TAFA2: variants seen among roughly 807,000 people sequenced by gnomAD.
TAFA2 encodes the protein chemokine-like protein TAFA-2.
A neutral mutation model predicts 18.8 loss-of-function variants in TAFA2; 7 were observed. The ratio of observed to expected loss-of-function variants is 0.37; its 90% CI spans 0.21 to 0.70. TAFA2 has a LOEUF of 0.70. Among genes scored for constraint, TAFA2 ranks in the 30% least tolerant of loss-of-function variants. The pLI is 0.53. For missense variants in TAFA2, 122 were observed against 158.1 expected, an observed-to-expected ratio of 0.77 and a Z score of 1.23; for synonymous variants, 60 against 54.2, an observed-to-expected ratio of 1.11 and a Z score of -0.47.
intron 1 of TAFA2, among the ~76,000 whole-genome samples, chr12:62,094,546 A>G (rs765843174): frequency 2.3e-4 from 35 of 152,114 alleles, no homozygotes; most frequent in Admixed American, 3.9e-4. Context: ...ACCTTTTAAA[A>G]TTTTAAATGG....
chr12:61,754,336 T>A (rs1869162828), intron 3 of TAFA2, among the ~76,000 whole-genome samples: 1 of 151,940 alleles, frequency 6.6e-6, no homozygotes, highest in Non-Finnish European at 1.5e-5. Context: ...ATCAACTAAA[T>A]AAATGCATAT....
intron 1 of TAFA2, among the ~76,000 whole-genome samples, chr12:62,184,499 A>AATTTTTTTTTT: frequency 2.9e-5 from 1 of 33,994 alleles, no homozygotes; most frequent in Admixed American, 2.8e-4. Flanking sequence ...GAAAAAAAAA[A>AATTTTTTTTTT]TTCTTTTTTT....
chr12:62,004,891 C>G (rs1213061479), intron 1 of TAFA2, among the ~76,000 whole-genome samples: 1 of 151,882 alleles, frequency 6.6e-6, no homozygotes, highest in Non-Finnish European at 1.5e-5. Flanking sequence ...ATGGATGAAC[C>G]TAGAGAACAT....
At chr12:61,762,204 C>T (rs1232183462) in intron 2 of TAFA2, among the ~76,000 whole-genome samples, 1 of 152,024 alleles carries the variant, frequency 6.6e-6, no homozygotes, top group African/African-American at 2.4e-5. Flanking sequence ...GAGAACAGAC[C>T]TTTCTATGCA....
chr12:61,823,745 A>G (rs948386102), intron 2 of TAFA2, among the ~76,000 whole-genome samples: 9 of 152,090 alleles, frequency 5.9e-5, no homozygotes, highest in Non-Finnish European at 1.0e-4. Context: ...TCTATATCCT[A>G]TCAGTGAGAA....
chr12:61,952,733 C>A (rs187974838), intron 1 of TAFA2, among the ~76,000 whole-genome samples: 320 of 152,000 alleles, frequency 2.1e-3, no homozygotes, highest in African/African-American at 7.4e-3. Context: ...AATTGCATAA[C>A]TAAAGCTATA....
At chr12:62,231,975 C>T (rs2062813486) in intron 1 of TAFA2, among the ~76,000 whole-genome samples, 2 of 152,166 alleles carry the variant, frequency 1.3e-5, no homozygotes, top group Non-Finnish European at 2.9e-5. Flanking sequence ...CCAAAGATTA[C>T]AGGCCTGATC....
chr12:62,251,501 G>A (rs1474889825), intron 1 of TAFA2, among the ~76,000 whole-genome samples: 2 of 152,146 alleles, frequency 1.3e-5, no homozygotes, highest in Non-Finnish European at 2.9e-5. Context: ...CACTGCCAGG[G>A]TAAAGACCAA....
At chr12:62,006,078 A>G (rs1430349173) in intron 1 of TAFA2, among the ~76,000 whole-genome samples, 1 of 152,146 alleles carries the variant, frequency 6.6e-6, no homozygotes, top group Non-Finnish European at 1.5e-5. Flanking sequence ...CAATTTATTA[A>G]AACTACTTCA....
At chr12:61,768,279 A>G (rs1869873931) in intron 2 of TAFA2, among the ~76,000 whole-genome samples, 1 of 152,168 alleles carries the variant, frequency 6.6e-6, no homozygotes, top group African/African-American at 2.4e-5. Flanking sequence ...GCTCTGCAAA[A>G]GACACTGTCA....
intron 1 of TAFA2, among the ~76,000 whole-genome samples, chr12:62,233,505 G>A (rs1399962370): frequency 1.8e-4 from 28 of 152,036 alleles, no homozygotes; most frequent in Non-Finnish European, 3.7e-4. Flanking sequence ...TCCTCTCCAC[G>A]TCCATTTCTT....
intron 1 of TAFA2, among the ~76,000 whole-genome samples, chr12:61,895,308 C>T (rs961247270): frequency 2.0e-5 from 3 of 152,136 alleles, no homozygotes; most frequent in Admixed American, 2.0e-4. Flanking sequence ...CCTAAAACTA[C>T]AAGTAGGTGA....
intron 2 of TAFA2, among the ~76,000 whole-genome samples, chr12:61,779,548 G>T (rs1441457176): frequency 1.3e-5 from 2 of 151,792 alleles, no homozygotes; most frequent in Non-Finnish European, 2.9e-5. Flanking sequence ...TTCTGCTAAA[G>T]CCTACCTTTG....
chr12:62,123,023 G>A (rs1565752045), intron 1 of TAFA2, among the ~76,000 whole-genome samples: 1 of 152,046 alleles, frequency 6.6e-6, no homozygotes, highest in Non-Finnish European at 1.5e-5. Flanking sequence ...CCAGCTACAG[G>A]TATCTACATA....
At chr12:61,758,450 C>T (rs1382494582) in intron 2 of TAFA2, among the ~76,000 whole-genome samples, 2 of 151,770 alleles carry the variant, frequency 1.3e-5, no homozygotes, top group Non-Finnish European at 2.9e-5. Context: ...GGAGGGTTGA[C>T]ATTAGATTTG....
intron 1 of TAFA2, among the ~76,000 whole-genome samples, chr12:61,906,638 T>A (rs1286599987): frequency 6.6e-6 from 1 of 150,480 alleles, no homozygotes; most frequent in Non-Finnish European, 1.5e-5. Context: ...TGGAACTGGG[T>A]AACAGGCAGA....
intron 1 of TAFA2, among the ~76,000 whole-genome samples, chr12:62,169,212 T>C (rs908077450): frequency 6.6e-6 from 1 of 152,174 alleles, no homozygotes; most frequent in African/African-American, 2.4e-5. Context: ...TGTGCCTAGT[T>C]CTAAATGAAA....
chr12:62,121,864 C>T (rs759850889), intron 1 of TAFA2, among the ~76,000 whole-genome samples: 13 of 152,168 alleles, frequency 8.5e-5, no homozygotes, highest in East Asian at 1.9e-4. Flanking sequence ...ACAAGCATGA[C>T]CATTGAATTC....
chr12:62,240,611 T>G (rs1031640635), intron 1 of TAFA2, among the ~76,000 whole-genome samples: 11 of 152,196 alleles, frequency 7.2e-5, no homozygotes, highest in Non-Finnish European at 1.5e-5. Flanking sequence ...GACAACTAGT[T>G]GAATGAATAG....
Sources: gnomAD v4.1 joint callset for allele counts (sites outside exome capture counted in the v4.1 genomes callset) on GRCh38, gnomAD v4.1.1 for gene constraint, MANE v1.5 for transcripts, NCBI Gene and HGNC (gene_info 2026-07-23, HGNC 2026-07-21) for gene names.